The following ANKMY1 variants were observed in gnomAD, a reference collection of about 807,000 sequenced individuals.
The protein encoded by ANKMY1 is ankyrin repeat and MYND domain containing 1.
A neutral mutation model predicts 102.0 loss-of-function variants in ANKMY1; 98 were observed. The ratio of observed to expected loss-of-function variants is 0.96; its 90% CI spans 0.82 to 1.14. ANKMY1 has a LOEUF of 1.14. Ranked by LOEUF, ANKMY1 falls within the 50% of genes most tolerant of loss-of-function variation. The pLI is 0.00. For missense variants in ANKMY1, 1,330 were observed against 1,347.6 expected, an observed-to-expected ratio of 0.99 and a Z score of 0.20; for synonymous variants, 582 against 559.9, an observed-to-expected ratio of 1.04 and a Z score of -0.56.
Position 240,512,785 on chromosome 2 carries a change from G to A in ANKMY1, c.2145+17C>T, listed in dbSNP as rs1342561324. ...GGCCAAGGCCCCATACCCCTATCCA[G>A]GTCGCGAGGTACACACCTTGCCGGG... On this transcript the variant is annotated intron_variant, in intron 10 of 17. Transcript: ENST00000401804. The A allele has an allele frequency of 6.2e-7, 1 of 1,609,574 alleles. No individual in the cohort carries two copies. Among genetic ancestry groups the A allele is most frequent in the Admixed American group, 1.7e-5 (1 of 59,664 alleles).
chr2:240,547,807 A>C (rs558283220), intron 4 of ANKMY1, among the ~76,000 whole-genome samples: 3 of 149,280 alleles, frequency 2.0e-5, no homozygotes, highest in East Asian at 2.0e-4. Flanking sequence ...CCCAAGACTA[A>C]ACCAGGAAGA....
chr2:240,539,533 A>C (rs978153898), intron 4 of ANKMY1, among the ~76,000 whole-genome samples: 6 of 152,234 alleles, frequency 3.9e-5, no homozygotes, highest in Non-Finnish European at 8.8e-5. Flanking sequence ...TTCATTCTTG[A>C]AGTCAGTGAG....
At chr2:240,496,219 T>C (rs908896301) in intron 15 of ANKMY1, among the ~76,000 whole-genome samples, 14 of 152,232 alleles carry the variant, frequency 9.2e-5, no homozygotes, top group Non-Finnish European at 2.1e-4. Context: ...CTCTGTTTTA[T>C]CCTACTTGAA....
intron 15 of ANKMY1, among the ~76,000 whole-genome samples, chr2:240,485,891 C>T (rs1160569206): frequency 6.6e-6 from 1 of 152,180 alleles, no homozygotes; most frequent in Admixed American, 6.5e-5. Context: ...CCATGCCTGG[C>T]CTACCATATG....
intron 16 of ANKMY1, among the ~76,000 whole-genome samples, chr2:240,481,326 C>T (rs554336081): frequency 2.0e-5 from 3 of 152,252 alleles, no homozygotes; most frequent in South Asian, 2.1e-4. Flanking sequence ...ACATTCCGAG[C>T]TCTGGGAACC....
At chr2:240,490,062 T>A (rs2076468749) in intron 15 of ANKMY1, among the ~76,000 whole-genome samples, 1 of 152,208 alleles carries the variant, frequency 6.6e-6, no homozygotes, top group African/African-American at 2.4e-5. Context: ...TCTGATGATC[T>A]TTTGTATTTC....
chr2:240,557,408 G>A, intron 1 of ANKMY1, 56 bp from the exon 2 acceptor site: 1 of 1,406,010 alleles, frequency 7.1e-7, no homozygotes, highest in Non-Finnish European at 9.4e-7. Context: ...CGCGAACTCA[G>A]AGGGCGCCCG....
intron 4 of ANKMY1, among the ~76,000 whole-genome samples, chr2:240,536,965 T>C (rs1559354221): frequency 6.6e-6 from 1 of 152,184 alleles, no homozygotes; most frequent in East Asian, 1.9e-4. Context: ...GCTCAAGCAA[T>C]CCTCTTGCTT....
intron 4 of ANKMY1, among the ~76,000 whole-genome samples, chr2:240,548,755 C>T (rs2090939773): frequency 6.7e-6 from 1 of 149,722 alleles, no homozygotes; most frequent in Admixed American, 6.6e-5. Flanking sequence ...GAGTGAACTC[C>T]CATTCACAAT....
intron 4 of ANKMY1, among the ~76,000 whole-genome samples, chr2:240,541,808 G>A (rs1488491987): frequency 2.0e-5 from 3 of 152,098 alleles, no homozygotes; most frequent in African/African-American, 7.2e-5. Flanking sequence ...GGCGTATGTT[G>A]CTGTTTTAAG....
intron 8 of ANKMY1, chr2:240,523,014 G>A (rs1426099886): frequency 6.6e-6 from 1 of 152,210 alleles, no homozygotes; most frequent in African/African-American, 2.4e-5. Flanking sequence ...AAATGGGGCA[G>A]GAGGTTGGGA....
At chr2:240,470,593 C>T in the ANKMY1 span, among the ~76,000 whole-genome samples, 6 of 152,152 alleles carry the variant, frequency 3.9e-5, no homozygotes, top group Non-Finnish European at 8.8e-5. Flanking sequence ...CATGTTTACA[C>T]TCAATCTGGG....
intron 13 of ANKMY1, among the ~76,000 whole-genome samples, chr2:240,507,063 A>G (rs1485879425): frequency 6.6e-6 from 1 of 152,050 alleles, no homozygotes; most frequent in Non-Finnish European, 1.5e-5. Flanking sequence ...TCTATCCTGA[A>G]TCTTGTTTTC....
chr2:240,479,368 C>T (rs532796502), downstream of ANKMY1: 1 of 577,920 alleles, frequency 1.7e-6, no homozygotes, highest in Non-Finnish European at 3.1e-6. Flanking sequence ...GAGGCAGGCA[C>T]GGGCTCCACA....
Position 240,512,835 on chromosome 2 carries a change from T to A in ANKMY1, c.2112A>T (p.Ala704=). 1.2e-6 allele frequency: 2 copies of A among 1,614,042 alleles called. No individual in the cohort carries two copies. Among genetic ancestry groups the A allele is most frequent in the Non-Finnish European group, 1.7e-6 (2 of 1,179,976 alleles). Residue 704 remains alanine, a synonymous_variant, in exon 10 of 18, where the codon GCA becomes GCT. Transcript: ENST00000401804. Reference sequence around the variant, plus strand: ...GCTTGTAAGTGTCGTCCTCGTCGGATGCCTTGGCGTCCACATCGGTGATGG... The same window carrying A: ...GCTTGTAAGTGTCGTCCTCGTCGGAAGCCTTGGCGTCCACATCGGTGATGG... ...LHAITDVDAK[A]SDEDDTYKPG...
At chr2:240,540,464 C>T (rs915351219) in intron 4 of ANKMY1, among the ~76,000 whole-genome samples, 1 of 152,112 alleles carries the variant, frequency 6.6e-6, no homozygotes, top group Non-Finnish European at 1.5e-5. Context: ...GAAAGGAAGC[C>T]CAGGTCTCTC....
chr2:240,517,675 G>A (rs2081422402), intron 9 of ANKMY1, among the ~76,000 whole-genome samples: 1 of 141,714 alleles, frequency 7.1e-6, no homozygotes, highest in African/African-American at 2.6e-5. Flanking sequence ...GCCAGGCCTG[G>A]TGGTGCCTGT....
chr2:240,538,599 G>A (rs1418558624), intron 4 of ANKMY1, among the ~76,000 whole-genome samples: 3 of 152,058 alleles, frequency 2.0e-5, no homozygotes, highest in South Asian at 2.1e-4. Context: ...GACAGGCGCC[G>A]CCCCCTGCTC....
intron 4 of ANKMY1, among the ~76,000 whole-genome samples, chr2:240,551,100 G>T (rs1288595927): frequency 6.6e-6 from 1 of 151,834 alleles, no homozygotes; most frequent in Non-Finnish European, 1.5e-5. Flanking sequence ...ATGACACAGG[G>T]CAGGAGCTGA....
Sources: gnomAD v4.1 joint callset for allele counts (sites outside exome capture counted in the v4.1 genomes callset) on GRCh38, gnomAD v4.1.1 for gene constraint, MANE v1.5 for transcripts, NCBI Gene and HGNC (gene_info 2026-07-23, HGNC 2026-07-21) for gene names.